The following CLSPN variants were observed in gnomAD, a reference collection of about 807,000 sequenced individuals.
CLSPN encodes the protein claspin homolog.
Under a neutral mutation model 156.3 loss-of-function variants are expected in CLSPN, and 85 were observed. The observed-to-expected ratio is 0.54, with a 90% CI of 0.46 to 0.65. CLSPN has a LOEUF of 0.65. Ranked by LOEUF, CLSPN falls within the 30% of genes least tolerant of loss-of-function variation. The pLI is 0.00. For synonymous variants in CLSPN, 534 were observed against 542.4 expected, an observed-to-expected ratio of 0.98 and a Z score of 0.22; for missense variants, 1,407 against 1,554.9, an observed-to-expected ratio of 0.90 and a Z score of 1.60.
At chr1:35,737,847 C>A in intron 22 of CLSPN, 145 bp downstream of exon 22, 1 of 454,452 alleles carries the variant, frequency 2.2e-6, no homozygotes, top group East Asian at 3.1e-5. Flanking sequence ...CACTGTCTCC[C>A]ACCACCTCTG....
intron 4 of CLSPN, 54 bp downstream of exon 4, chr1:35,763,106 T>C (rs1571221339): frequency 2.2e-6 from 3 of 1,349,018 alleles, no homozygotes; most frequent in East Asian, 2.7e-5. Flanking sequence ...ATTAAAAATA[T>C]AGCAAAGGTC....
intron 24 of CLSPN, among the ~76,000 whole-genome samples, chr1:35,721,375 T>C (rs1281066645): frequency 2.6e-5 from 4 of 152,162 alleles, no homozygotes; most frequent in Non-Finnish European, 5.9e-5. Flanking sequence ...CCTCCCATGA[T>C]GCTATCACCA....
chr1:35,737,221 T>C, intron 23 of CLSPN, 118 bp downstream of exon 23: 12 of 1,256,118 alleles, frequency 9.6e-6, no homozygotes, highest in Non-Finnish European at 1.4e-5. Flanking sequence ...TCCTTTGACA[T>C]TAACTTTTTC....
Position 35,751,282 on chromosome 1 carries a change from C to G in CLSPN, c.1996G>C (p.Glu666Gln). ...EEELEEEEEKEEEEEEEGNQE... is the reference protein window; with the variant it reads ...EEELEEEEEKQEEEEEEGNQE... The stretch of plus-strand genomic sequence containing the variant: ...TTTCCTTCTTCTTCCTCCTCCTCTT[C>G]TTTCTCCTCCTCTTCCTCTAGTTCT... The change falls in exon 10 of 25, where the codon GAA becomes CAA. Residue 666 changes from glutamate to glutamine, a missense_variant. Physicochemically the swap from Glu to Gln is conservative, Grantham distance 29. Coordinates refer to ENST00000318121, the MANE Select transcript of CLSPN (RefSeq NM_022111.4). 6.3e-7 allele frequency: 1 copy of G among 1,593,636 alleles called. No homozygotes were observed. The highest frequency in any genetic ancestry group is 8.5e-7 in the Non-Finnish European group (1 of 1,172,854).
chr1:35,733,849 T>C lies in CLSPN; in HGVS notation c.*2647A>G, dbSNP rs534090608. Reference sequence around the variant, plus strand: ...ATAATTAGCTGGGCATGGTGGCATATGCCTGTAATGTGGCCCAGCTATTCC... The same window carrying C: ...ATAATTAGCTGGGCATGGTGGCATACGCCTGTAATGTGGCCCAGCTATTCC... On this transcript the variant is annotated 3_prime_UTR_variant, in exon 25 of 25. Coordinates refer to ENST00000318121, the MANE Select transcript of CLSPN (RefSeq NM_022111.4). The C allele has an allele frequency of 4.9e-5, 25 of 506,492 alleles. No homozygotes were observed. Among genetic ancestry groups the C allele is most frequent in the African/African-American group, 4.8e-4 (23 of 47,956 alleles). 31.4% of individuals were successfully genotyped at this position (506,492 alleles called of 1,614,324 possible). A position where few individuals can be genotyped will look rare whatever the true frequency, so the allele number is the denominator to read the frequency against.
intron 24 of CLSPN, among the ~76,000 whole-genome samples, chr1:35,726,152 C>CAA (rs3041363): frequency 0.13 from 6,473 of 48,046 alleles, 1,703 homozygotes; most frequent in East Asian, 0.77. Flanking sequence ...CAGATGCAGA[C>CAA]AAAAAAAAAA....
chr1:35,738,618 T>C, intron 20 of CLSPN, 36 bp from the exon 21 acceptor site: 1 of 1,611,398 alleles, frequency 6.2e-7, no homozygotes, highest in Non-Finnish European at 8.5e-7. Flanking sequence ...CATTCGGCAG[T>C]CCTCACAGGA....
At chr1:35,768,425 T>C (rs990619542) in intron 1 of CLSPN, among the ~76,000 whole-genome samples, 1 of 149,760 alleles carries the variant, frequency 6.7e-6, no homozygotes, top group Admixed American at 6.6e-5. Context: ...TTTTTTTTTT[T>C]GATACAGTGT....
Position 35,748,501 on chromosome 1 carries a change from TTGTC to T in CLSPN, c.2372_2375del (p.Arg791LysfsTer45). On this transcript the variant is annotated frameshift_variant, in exon 13 of 25. Coordinates refer to ENST00000318121, the MANE Select transcript of CLSPN (RefSeq NM_022111.4). LOFTEE classifies it high-confidence loss of function. ...GGAAAAAACTGGTCCCACGGCCTGTTTGTCTGTTGCAAGGCTGATAGGATGGAAT... is the reference window on the plus strand; with the variant it reads ...GGAAAAAACTGGTCCCACGGCCTGTTTGTTGCAAGGCTGATAGGATGGAAT... The T allele has an allele frequency of 6.2e-7, 1 of 1,614,132 alleles. No homozygotes were observed. Among genetic ancestry groups the T allele is most frequent in the Non-Finnish European group, 8.5e-7 (1 of 1,180,006 alleles).
exon 25 of CLSPN, chr1:35,720,722 A>G: frequency 2.2e-6 from 1 of 452,022 alleles, no homozygotes; most frequent in Non-Finnish European, 4.0e-6. Context: ...CTGGGATTAC[A>G]GGCGTGAGCC....
At chr1:35,755,124 C>T (rs1642227661) in intron 8 of CLSPN, among the ~76,000 whole-genome samples, 1 of 152,160 alleles carries the variant, frequency 6.6e-6, no homozygotes, top group South Asian at 2.1e-4. Context: ...AATGGAGTCT[C>T]GCTTTGTCGC....
intron 18 of CLSPN, among the ~76,000 whole-genome samples, chr1:35,741,095 A>G (rs964749745): frequency 6.6e-6 from 1 of 152,214 alleles, no homozygotes; most frequent in South Asian, 2.1e-4. Flanking sequence ...TTAAATACCT[A>G]TTAGAATTAT....
chr1:35,735,978 G>A lies in CLSPN; in HGVS notation c.*518C>T, dbSNP rs1641454570. ...CTCATGCATGTGACCAGCACTTTGT[G>A]GGGCCGAGGTGGATGGATCATTTGA... On this transcript the variant is annotated 3_prime_UTR_variant, in exon 25 of 25. Transcript: ENST00000318121. The A allele has an allele frequency of 1.0e-6, 1 of 970,884 alleles. No individual in the cohort carries two copies. Among genetic ancestry groups the A allele is most frequent in the Non-Finnish European group, 1.2e-6 (1 of 817,024 alleles). The allele number at this position is 970,884 out of a possible 1,614,324, so 60.1% of individuals were successfully genotyped here.
intron 1 of CLSPN, 75 bp downstream of exon 1, chr1:35,769,772 G>A: frequency 7.0e-7 from 1 of 1,436,572 alleles, no homozygotes. Flanking sequence ...GGTCAGCGGG[G>A]TCTACCCCGG....
rs116509354 is a variant in CLSPN at position 35,741,473 on chromosome 1, C to T, written c.3143+1668G>A. ...CTGGGATTACAGGCACTGGCCATCACGCTTGGCTAATTTTGTATTTTTAGT... is the reference window on the plus strand; with the variant it reads ...CTGGGATTACAGGCACTGGCCATCATGCTTGGCTAATTTTGTATTTTTAGT... On this transcript the variant is annotated intron_variant, in intron 18 of 24. Coordinates refer to ENST00000318121, the MANE Select transcript of CLSPN (RefSeq NM_022111.4). 2.1e-3 allele frequency among the ~76,000 whole-genome samples: 316 copies of T among 152,122 alleles called. 1 individual carries two copies. The highest frequency in any genetic ancestry group is 3.9e-3 in the Non-Finnish European group (262 of 67,992).
chr1:35,756,989 A>G (rs78392337), intron 8 of CLSPN, among the ~76,000 whole-genome samples: 1,624 of 152,254 alleles, frequency 0.011, 29 homozygotes, highest in African/African-American at 0.036. Context: ...TCTGATCACC[A>G]ATGTCCTTGC....
chr1:35,753,911 G>T lies in CLSPN; in HGVS notation c.1605C>A (p.Phe535Leu). ...NRELEALKQR[F>L]WKHANPAAKP... is the part of the protein sequence containing the mutation. ...TGGCTGCTGGATTAGCATGCTTCCA[G>T]AAACGCTGCTTCAAGGCTTCCAGTT... The change falls in exon 9 of 25, where the codon TTC (phenylalanine) becomes TTA (leucine). Residue 535 changes from phenylalanine to leucine, a missense_variant. Physicochemically the swap from Phe to Leu is conservative, Grantham distance 22 (BLOSUM62 0). This residue lies in a region of CLSPN where 1,096 missense variants were observed against 1,193.0 expected (regional missense o/e 0.92). Coordinates refer to ENST00000318121, the MANE Select transcript of CLSPN (RefSeq NM_022111.4). The T allele has an allele frequency of 6.2e-7, 1 of 1,614,202 alleles. No homozygotes were observed. The highest frequency in any genetic ancestry group is 8.5e-7 in the Non-Finnish European group (1 of 1,180,036).
In CLSPN at chr1:35,749,595, C is replaced by T. The variant is rs1484313752; in HGVS notation, c.2207+38G>A. The T allele has an allele frequency of 1.9e-6, 3 of 1,613,310 alleles. No individual in the cohort carries two copies. The East Asian group carries it at 6.7e-5, about 36-fold the overall frequency. Reference sequence around the variant, plus strand: ...CTAGTTTTTACAGGAGGGGCAAATCCAAGGCAATTTTAAGTTTTCTTAGAG... The same window carrying T: ...CTAGTTTTTACAGGAGGGGCAAATCTAAGGCAATTTTAAGTTTTCTTAGAG... On this transcript the variant is annotated intron_variant, in intron 11 of 24. Transcript: ENST00000318121.
chr1:35,739,601 C>G, intron 18 of CLSPN, 72 bp from the exon 19 acceptor site: 1 of 1,145,538 alleles, frequency 8.7e-7, no homozygotes, highest in Non-Finnish European at 1.3e-6. Flanking sequence ...CAAAGAAAAG[C>G]AGAACAGAGT....
Sources: allele counts gnomAD v4.1 joint callset (sites outside exome capture counted in the v4.1 genomes callset), GRCh38; gene constraint gnomAD v4.1.1; regional missense constraint gnomAD v4.1.1; transcripts MANE v1.5; gene names NCBI Gene and HGNC (gene_info 2026-07-23, HGNC 2026-07-21).